The following RAPGEF2 variants were observed in gnomAD, a reference collection of about 807,000 sequenced individuals.
The protein encoded by RAPGEF2 is PDZ domain containing guanine nucleotide exchange factor (GEF) 1.
A neutral mutation model predicts 186.7 loss-of-function variants in RAPGEF2; 54 were observed. The observed-to-expected ratio is 0.29, with a 90% CI of 0.23 to 0.36. RAPGEF2 has a LOEUF of 0.36. Ranked by LOEUF, RAPGEF2 falls within the 10% of genes least tolerant of loss-of-function variation. The probability of loss-of-function intolerance (pLI) is 1.00; values close to 1 mark genes in which losing one functional copy is unlikely to be tolerated. For missense variants in RAPGEF2, 1,532 were observed against 2,045.0 expected, an observed-to-expected ratio of 0.75 and a Z score of 4.84; for synonymous variants, 712 against 705.9, an observed-to-expected ratio of 1.01 and a Z score of -0.14.
chr4:159,285,414 C>T (rs1317242127), intron 7 of RAPGEF2, among the ~76,000 whole-genome samples: 1 of 152,062 alleles, frequency 6.6e-6, no homozygotes, highest in South Asian at 2.1e-4. Context: ...TTTGCTAATC[C>T]TGTTGATAAA....
chr4:159,144,597 G>A (rs1489033668), intron 1 of RAPGEF2, among the ~76,000 whole-genome samples: 1 of 151,614 alleles, frequency 6.6e-6, no homozygotes, highest in Non-Finnish European at 1.5e-5. Flanking sequence ...GCAGTCATTC[G>A]TTCTCATCAC....
At chr4:159,206,009 A>G (rs1436951994) in intron 3 of RAPGEF2, among the ~76,000 whole-genome samples, 1 of 151,636 alleles carries the variant, frequency 6.6e-6, no homozygotes, top group Non-Finnish European at 1.5e-5. Flanking sequence ...GCCTCACTGC[A>G]AGCTCCGCCT....
chr4:159,104,536 G>GAC (rs1560964926), intron 1 of RAPGEF2, among the ~76,000 whole-genome samples: 27 of 102,914 alleles, frequency 2.6e-4, no homozygotes, highest in African/African-American at 1.1e-3. Context: ...GGGAGAGACA[G>GAC]AGAGAGAGAG....
chr4:159,196,490 T>A (rs768268650), intron 3 of RAPGEF2, among the ~76,000 whole-genome samples: 15 of 152,182 alleles, frequency 9.9e-5, no homozygotes, highest in Admixed American at 3.9e-4. Context: ...GCTGGTGCCT[T>A]CTAAGTCTAT....
chr4:159,358,159 G>T lies in RAPGEF2; in HGVS notation c.*20G>T. Reference sequence around the variant, plus strand: ...GTTTGAGGCACAGACTTTTCTGGAAGCAGAGCGAGCCACCTGAAAGGAGAG... The same window carrying T: ...GTTTGAGGCACAGACTTTTCTGGAATCAGAGCGAGCCACCTGAAAGGAGAG... On this transcript the variant is annotated 3_prime_UTR_variant, in exon 30 of 30. Transcript: ENST00000691494. 1 of 1,609,420 alleles carries T rather than the reference G, an allele frequency of 6.2e-7. No homozygotes were observed. The highest frequency in any genetic ancestry group is 1.1e-5 in the South Asian group (1 of 90,086).
intron 7 of RAPGEF2, chr4:159,267,821 T>G: frequency 3.8e-6 from 4 of 1,047,424 alleles, no homozygotes; most frequent in Non-Finnish European, 4.6e-6. Context: ...CTCCTTTTCT[T>G]TTGCCTCTTG....
intron 7 of RAPGEF2, among the ~76,000 whole-genome samples, chr4:159,258,464 A>G (rs1423252467): frequency 6.6e-6 from 1 of 152,158 alleles, no homozygotes; most frequent in Non-Finnish European, 1.5e-5. Flanking sequence ...TCTGGAATGT[A>G]TTTGATTACA....
intron 1 of RAPGEF2, among the ~76,000 whole-genome samples, chr4:159,113,866 T>C (rs941558990): frequency 2.0e-5 from 3 of 152,066 alleles, no homozygotes; most frequent in Non-Finnish European, 4.4e-5. Context: ...GTTGAGGCAG[T>C]ATATTTATTA....
Position 159,338,442 on chromosome 4 carries a change from G to T in RAPGEF2, c.2267G>T (p.Arg756Leu), listed in dbSNP as rs754181086. ...SNPDLLQSHHRILDFSATPDL... is the reference protein window; with the variant it reads ...SNPDLLQSHHLILDFSATPDL... ...CCTGATTTATTGCAGTCACATCATC[G>T]CATTTTAGACTTCAGTGCTACTCCT... The change falls in exon 18 of 30, where the codon CGC becomes CTC. Residue 756 changes from arginine (R) to leucine (L), a missense_variant. Arg to Leu is a moderately radical substitution (Grantham distance 102). This residue lies in a region of RAPGEF2 where 810 missense variants were observed against 1,210.5 expected (regional missense o/e 0.67). Transcript: ENST00000691494. 1 of 1,613,684 alleles carries T rather than the reference G, an allele frequency of 6.2e-7. No homozygotes were observed.
intron 1 of RAPGEF2, among the ~76,000 whole-genome samples, chr4:159,180,904 G>C (rs972846304): frequency 6.6e-6 from 1 of 152,086 alleles, no homozygotes; most frequent in Non-Finnish European, 1.5e-5. Flanking sequence ...TGAATTATAG[G>C]TGATAATATT....
intron 7 of RAPGEF2, among the ~76,000 whole-genome samples, chr4:159,278,963 T>C (rs1180947815): frequency 6.6e-6 from 1 of 152,206 alleles, no homozygotes; most frequent in African/African-American, 2.4e-5. Context: ...TTGAGTACAC[T>C]TGATGTTTCC....
chr4:159,147,410 G>GA (rs1444156806), intron 1 of RAPGEF2, among the ~76,000 whole-genome samples: 2 of 150,942 alleles, frequency 1.3e-5, no homozygotes, highest in Non-Finnish European at 2.9e-5. Flanking sequence ...AAAGTTCGTA[G>GA]AAAAAAGAGA....
At chr4:159,145,626 T>C (rs982602029) in intron 1 of RAPGEF2, among the ~76,000 whole-genome samples, 8 of 152,240 alleles carry the variant, frequency 5.3e-5, no homozygotes, top group African/African-American at 1.9e-4. Flanking sequence ...TGACGTATGT[T>C]CACCAGGACC....
intron 7 of RAPGEF2, among the ~76,000 whole-genome samples, chr4:159,302,786 T>G (rs1762830283): frequency 1.3e-5 from 2 of 151,800 alleles, no homozygotes; most frequent in South Asian, 4.1e-4. Context: ...TTACTTTTTA[T>G]TTTTTATTTT....
intron 1 of RAPGEF2, among the ~76,000 whole-genome samples, chr4:159,130,922 C>G (rs1052001820): frequency 1.3e-5 from 2 of 152,194 alleles, no homozygotes; most frequent in Non-Finnish European, 2.9e-5. Flanking sequence ...GTTGCCCAGG[C>G]TGGTCTCAAG....
rs1290767988 is a variant in RAPGEF2 at position 159,231,740 on chromosome 4, A to G, written c.282-7069A>G. 2.0e-5 allele frequency among the ~76,000 whole-genome samples: 3 copies of G among 152,178 alleles called. No homozygotes were observed. In the South Asian group the frequency reaches 6.2e-4, roughly 31 times the overall value. The stretch of plus-strand genomic sequence containing the variant: ...CTCATTGGAGCATTTTGGATTTCAT[A>G]TTTCCAGAGTAGGGATGCTCCACAT... On this transcript the variant is annotated intron_variant, in intron 4 of 29. Coordinates refer to ENST00000691494, the MANE Select transcript of RAPGEF2 (RefSeq NM_001394067.2).
At chr4:159,173,962 A>C (rs1746182989) in intron 1 of RAPGEF2, among the ~76,000 whole-genome samples, 1 of 152,100 alleles carries the variant, frequency 6.6e-6, no homozygotes, top group African/African-American at 2.4e-5. Context: ...TTGCTGCCTA[A>C]GAGATGGCAA....
Position 159,352,899 on chromosome 4 carries a change from G to T in RAPGEF2, c.4080G>T (p.Gln1360His), listed in dbSNP as rs1731402073. 13 of 1,613,640 alleles carry T rather than the reference G, an allele frequency of 8.1e-6. No homozygotes were observed. The highest frequency in any genetic ancestry group is 1.1e-5 in the Non-Finnish European group (13 of 1,179,668). The change falls in exon 27 of 30, where the codon CAG (glutamine) becomes CAT (histidine). Residue 1360 changes from glutamine to histidine, a missense_variant. Physicochemically the swap from Gln to His is conservative, Grantham distance 24. Around this residue, in one of 4 missense-constraint regions of RAPGEF2, gnomAD observed 594 missense variants for 608.5 expected, o/e 0.98. Transcript: ENST00000691494. ...GGCGGACCATGATTGAACCTGATCAGTATAGCTTGGGGTAGGTGGCTCTTT... is the reference window on the plus strand; with the variant it reads ...GGCGGACCATGATTGAACCTGATCATTATAGCTTGGGGTAGGTGGCTCTTT... ...MERRTMIEPDQYSLGSYAPMS... is the reference protein window; with the variant it reads ...MERRTMIEPDHYSLGSYAPMS...
In RAPGEF2 at chr4:159,251,926, G is replaced by A. The variant is rs1410513584; in HGVS notation, c.543+8135G>A. Among the ~76,000 whole-genome samples the A allele has an allele frequency of 2.0e-5, 3 of 151,956 alleles. No individual in the cohort carries two copies. The East Asian group carries it at 5.8e-4, about 29-fold the overall frequency. ...GCGGCTCACGCTTTGGGTCTGCCAC[G>A]TCTTTAAGAGCGGTAACACTCACCG... On this transcript the variant is annotated intron_variant, in intron 7 of 29. Transcript: ENST00000691494.
Sources: gnomAD v4.1 joint callset for allele counts (sites outside exome capture counted in the v4.1 genomes callset) on GRCh38, gnomAD v4.1.1 for gene constraint, gnomAD v4.1.1 regional missense constraint, MANE v1.5 for transcripts, NCBI Gene and HGNC (gene_info 2026-07-23, HGNC 2026-07-21) for gene names.